Variants in PUDP observed in about 807,000 individuals in gnomAD.
PUDP encodes the protein pseudouridine 5'-phosphatase, also known as pseudouridine-5'-phosphatase.
PUDP carries 8 observed loss-of-function variants against 9.4 expected under a neutral mutation model. The observed-to-expected ratio is 0.85, with a 90% confidence interval of 0.50 to 1.53. The LOEUF is 1.53. Ranked by LOEUF, PUDP falls within the 40% of genes most tolerant of loss-of-function variation. The probability of loss-of-function intolerance (pLI) is 0.00; values close to 1 mark genes in which losing one functional copy is unlikely to be tolerated. For synonymous variants in PUDP, 99 were observed against 80.7 expected (o/e 1.23, Z -1.22); for missense variants, 188 against 189.7 (o/e 0.99, Z 0.05).
intron 3 of PUDP, among the ~76,000 whole-genome samples, chrX:6,897,670 T>C (rs1447042315): frequency 9.0e-6 from 1 of 111,536 alleles, no homozygotes; most frequent in Non-Finnish European, 1.9e-5. Context: ...TCATTTCTCA[T>C]GGTTCTGGAG....
chrX:7,104,566 C>T (rs745447334), intron 2 of PUDP, among the ~76,000 whole-genome samples: 2 of 111,821 alleles, frequency 1.8e-5, no homozygotes, highest in East Asian at 2.8e-4. Flanking sequence ...CTGTGTCCTA[C>T]CACAATTAAA....
At chrX:7,079,684 G>A (rs765327068) in intron 2 of PUDP, among the ~76,000 whole-genome samples, 1 of 112,618 alleles carries the variant, frequency 8.9e-6, no homozygotes, top group African/African-American at 3.2e-5. Flanking sequence ...CAAATATTTG[G>A]ATGTTACACT....
At chrX:7,131,334 TCC>T (rs1433581248) in intron 1 of PUDP, among the ~76,000 whole-genome samples, 14 of 110,637 alleles carry the variant, frequency 1.3e-4, no homozygotes, top group Middle Eastern at 8.5e-3. Context: ...CACGTCCTAA[TCC>T]CTAGGGCCCG....
rs1930033689 is a variant in PUDP at position 7,049,448 on chromosome X, G to C, written c.*848C>G. On this transcript the variant is annotated 3_prime_UTR_variant, in exon 4 of 4. Coordinates refer to ENST00000381077, the MANE Select transcript of PUDP (RefSeq NM_012080.5). ...GCAGCCCATCAGTGTTCTTAAAGGA[G>C]GCAAATGGTTGTTGTGAGGTAGCAA... The C allele has an allele frequency of 8.9e-6, 1 of 112,673 alleles. No homozygotes were observed. Among genetic ancestry groups the C allele is most frequent in the Admixed American group, 9.4e-5 (1 of 10,614 alleles). The allele number at this position is 112,673 out of a possible 1,213,427, so 9.3% of individuals were successfully genotyped here. A position where few individuals can be genotyped will look rare whatever the true frequency, so the allele number is the denominator to read the frequency against.
At chrX:6,799,044 C>G (rs192935244) in intron 3 of PUDP, among the ~76,000 whole-genome samples, 354 of 112,623 alleles carry the variant, frequency 3.1e-3, no homozygotes, top group Non-Finnish European at 5.2e-3. Flanking sequence ...CTCAGCCCCC[C>G]AAAGCTCTAG....
intron 3 of PUDP, among the ~76,000 whole-genome samples, chrX:6,753,090 G>A (rs898921115): frequency 3.6e-5 from 4 of 110,464 alleles, no homozygotes; most frequent in Non-Finnish European, 5.7e-5. Flanking sequence ...AGTATATGCT[G>A]CACCCTATTT....
chrX:6,870,006 C>A (rs1927149446), intron 3 of PUDP, among the ~76,000 whole-genome samples: 3 of 110,652 alleles, frequency 2.7e-5, no homozygotes, highest in African/African-American at 9.9e-5. Flanking sequence ...GAGGAAGCAA[C>A]CGAAGCGTTC....
intron 1 of PUDP, among the ~76,000 whole-genome samples, chrX:6,998,284 G>A (rs182861247): frequency 8.5e-4 from 95 of 111,441 alleles, no homozygotes; most frequent in Admixed American, 2.2e-3. Flanking sequence ...ACACAATTGA[G>A]ACCAAAAGAA....
At chrX:6,771,741 G>C in intron 3 of PUDP, among the ~76,000 whole-genome samples, 1 of 112,567 alleles carries the variant, frequency 8.9e-6, no homozygotes, top group Middle Eastern at 4.6e-3. Context: ...TCAAGGCCAG[G>C]GATTGGCAGA....
intron 3 of PUDP, among the ~76,000 whole-genome samples, chrX:6,943,077 C>T (rs1270644820): frequency 8.9e-6 from 1 of 112,167 alleles, no homozygotes; most frequent in Non-Finnish European, 1.9e-5. Flanking sequence ...CTTTAGTAAT[C>T]ACCTGCCACA....
intron 3 of PUDP, among the ~76,000 whole-genome samples, chrX:6,732,814 T>C (rs1235477775): frequency 8.9e-6 from 1 of 112,159 alleles, no homozygotes; most frequent in Non-Finnish European, 1.9e-5. Flanking sequence ...TTAATTTTCA[T>C]ATATTTTTTA....
chrX:6,820,891 A>G (rs762198023), intron 3 of PUDP, among the ~76,000 whole-genome samples: 1 of 111,874 alleles, frequency 8.9e-6, no homozygotes, highest in East Asian at 2.9e-4. Flanking sequence ...TCCACTAGGC[A>G]GTGCCCCAGT....
chrX:6,983,550 A>G (rs1443600080), intron 1 of PUDP, among the ~76,000 whole-genome samples: 1 of 112,588 alleles, frequency 8.9e-6, no homozygotes, highest in Non-Finnish European at 1.9e-5. Flanking sequence ...GGTAATATTT[A>G]GAACTCCAGC....
At chrX:6,966,017 T>A (rs1278399194) in intron 3 of PUDP, among the ~76,000 whole-genome samples, 2 of 110,923 alleles carry the variant, frequency 1.8e-5, no homozygotes, top group Non-Finnish European at 3.8e-5. Flanking sequence ...ATAATTTGCA[T>A]ATGAATAGAC....
chrX:6,847,305 G>A (rs1330169643), intron 3 of PUDP, among the ~76,000 whole-genome samples: 1 of 105,398 alleles, frequency 9.5e-6, no homozygotes, highest in Non-Finnish European at 1.9e-5. Flanking sequence ...TTTTAGAGTT[G>A]TGTACTGCCA....
chrX:6,892,728 A>G (rs1484899867), intron 3 of PUDP, among the ~76,000 whole-genome samples: 2 of 111,630 alleles, frequency 1.8e-5, no homozygotes, highest in Non-Finnish European at 3.8e-5. Context: ...TAAAGGTTCA[A>G]TGAAGTCATA....
At chrX:6,759,906 T>TGCAACAGTCG (rs1204185667) in intron 3 of PUDP, among the ~76,000 whole-genome samples, 1 of 112,021 alleles carries the variant, frequency 8.9e-6, no homozygotes, top group Non-Finnish European at 1.9e-5. Flanking sequence ...GCTAGCAGTC[T>TGCAACAGTCG]GCATGCCCTC....
At chrX:7,027,506 A>C (rs1339674914) in intron 1 of PUDP, among the ~76,000 whole-genome samples, 2 of 105,973 alleles carry the variant, frequency 1.9e-5, no homozygotes, top group Non-Finnish European at 3.9e-5. Context: ...ATATATGAGA[A>C]TATAGAGAGA....
chrX:7,072,324 T>C (rs1292184422), intron 3 of PUDP, among the ~76,000 whole-genome samples: 2 of 112,223 alleles, frequency 1.8e-5, no homozygotes, highest in Non-Finnish European at 3.7e-5. Context: ...AGATACCGAA[T>C]ATACACAAAA....
Sources: gnomAD v4.1 joint callset for allele counts (sites outside exome capture counted in the v4.1 genomes callset) on GRCh38, gnomAD v4.1.1 for gene constraint, MANE v1.5 for transcripts, NCBI Gene and HGNC (gene_info 2026-07-23, HGNC 2026-07-21) for gene names.